The following ARHGEF3 variants were observed in gnomAD, a reference collection of about 807,000 sequenced individuals.
ARHGEF3 encodes 59.8 kDA protein.
ARHGEF3 carries 28 observed loss-of-function variants against 63.2 expected under a neutral mutation model. That is an observed-to-expected ratio of 0.44 (90% CI 0.33 to 0.61). ARHGEF3 has a LOEUF of 0.61. Ranked by LOEUF, ARHGEF3 falls within the 20% of genes least tolerant of loss-of-function variation. ARHGEF3 has a pLI of 0.03. For missense variants in ARHGEF3, 533 were observed against 659.3 expected (o/e 0.81, Z 2.10); for synonymous variants, 266 against 254.2 (o/e 1.05, Z -0.44).
At chr3:57,002,515 T>TTATATA (rs1457658603) in intron 2 of ARHGEF3, among the ~76,000 whole-genome samples, 10 of 60,406 alleles carry the variant, frequency 1.7e-4, no homozygotes, top group South Asian at 1.1e-3. Context: ...TATATATATG[T>TTATATA]TATATATGTA....
intron 1 of ARHGEF3, among the ~76,000 whole-genome samples, chr3:56,774,533 A>C (rs566057991): frequency 1.2e-4 from 19 of 152,352 alleles, no homozygotes; most frequent in Non-Finnish European, 2.8e-4. Context: ...TCTGCAAGTT[A>C]CTTCAAACCA....
intron 4 of ARHGEF3, among the ~76,000 whole-genome samples, chr3:56,869,821 C>T (rs1453927578): frequency 6.6e-6 from 1 of 151,926 alleles, no homozygotes; most frequent in Non-Finnish European, 1.5e-5. Flanking sequence ...GAAAAAAAAT[C>T]AGAAACAAAA....
intron 1 of ARHGEF3, among the ~76,000 whole-genome samples, chr3:56,795,635 T>C (rs12632941): frequency 0.74 from 110,862 of 149,112 alleles, 42,347 homozygotes; most frequent in Non-Finnish European, 0.83. Context: ...CCTGATTAAC[T>C]TGTGACACAG....
intron 3 of ARHGEF3, among the ~76,000 whole-genome samples, chr3:56,957,186 C>T (rs934674396): frequency 2.0e-5 from 3 of 152,190 alleles, no homozygotes; most frequent in Non-Finnish European, 4.4e-5. Flanking sequence ...AAGACATGCA[C>T]ATCTATTTCA....
chr3:56,805,147 T>C (rs1464601675), upstream of ARHGEF3, among the ~76,000 whole-genome samples: 1 of 152,230 alleles, frequency 6.6e-6, no homozygotes, highest in Non-Finnish European at 1.5e-5. Context: ...GCCCTGGGAC[T>C]GGGTTGCTCA....
chr3:56,939,656 C>G (rs1049665543), intron 3 of ARHGEF3: 3 of 152,022 alleles, frequency 2.0e-5, no homozygotes, highest in African/African-American at 7.3e-5. Flanking sequence ...ACAGGCTGTT[C>G]TTGCTCCCAG....
At chr3:56,949,787 G>A (rs1486288153) in intron 3 of ARHGEF3, among the ~76,000 whole-genome samples, 1 of 151,956 alleles carries the variant, frequency 6.6e-6, no homozygotes, top group Non-Finnish European at 1.5e-5. Context: ...CTACTTTAAA[G>A]TTCATATGGA....
intron 2 of ARHGEF3, among the ~76,000 whole-genome samples, chr3:56,972,680 A>G (rs1700965361): frequency 6.6e-6 from 1 of 152,046 alleles, no homozygotes; most frequent in Non-Finnish European, 1.5e-5. Flanking sequence ...AGCAAAACCA[A>G]TATGGCTGGA....
chr3:56,754,970 C>A lies in ARHGEF3; in HGVS notation c.375+11G>T, dbSNP rs551074737. 8.1e-6 allele frequency: 13 copies of A among 1,614,120 alleles called. No individual in the cohort carries two copies. The South Asian group carries it at 1.4e-4, about 18-fold the overall frequency. ...CAGACACACAGCCAGCTCCATGGGC[C>A]CCGAGCCTACCTCCTGACGTTTGAT... On this transcript the variant is annotated intron_variant, in intron 3 of 9. Transcript: ENST00000296315.
intron 6 of ARHGEF3, among the ~76,000 whole-genome samples, chr3:56,747,698 C>T (rs1480919681): frequency 6.6e-6 from 1 of 152,152 alleles, no homozygotes; most frequent in African/African-American, 2.4e-5. Flanking sequence ...GTGGTGCATG[C>T]CTGTAATCCC....
chr3:56,919,779 TA>T (rs1368607141), intron 3 of ARHGEF3, among the ~76,000 whole-genome samples: 5 of 152,200 alleles, frequency 3.3e-5, no homozygotes, highest in Non-Finnish European at 7.3e-5. Context: ...AAGTAGGCCT[TA>T]TTATTATCTT....
At chr3:57,005,861 A>G (rs1219495359) in intron 2 of ARHGEF3, among the ~76,000 whole-genome samples, 1 of 152,258 alleles carries the variant, frequency 6.6e-6, no homozygotes, top group Non-Finnish European at 1.5e-5. Flanking sequence ...AATACCCCTC[A>G]GATTTGCCAA....
chr3:56,962,953 T>C (rs1051704410), intron 2 of ARHGEF3, among the ~76,000 whole-genome samples: 6 of 152,202 alleles, frequency 3.9e-5, no homozygotes, highest in Admixed American at 1.3e-4. Flanking sequence ...CGACCACTTA[T>C]ACAACAGCTT....
chr3:56,765,482 A>G (rs2035652899), intron 2 of ARHGEF3, among the ~76,000 whole-genome samples: 1 of 152,162 alleles, frequency 6.6e-6, no homozygotes, highest in African/African-American at 2.4e-5. Context: ...TTAGTTATAG[A>G]AAATTTATGA....
intron 7 of ARHGEF3, among the ~76,000 whole-genome samples, chr3:56,742,818 C>G (rs150262608): frequency 6.6e-6 from 1 of 152,226 alleles, no homozygotes; most frequent in Non-Finnish European, 1.5e-5. Flanking sequence ...CAGCTTCATA[C>G]TTTATGCACT....
At chr3:56,806,274 C>T (rs139040505), upstream of ARHGEF3, among the ~76,000 whole-genome samples, 6 of 152,306 alleles carry the variant, frequency 3.9e-5, no homozygotes, top group Non-Finnish European at 8.8e-5. Context: ...GCAGGAGGGC[C>T]TCCAAGCATA....
intron 4 of ARHGEF3, among the ~76,000 whole-genome samples, chr3:56,847,296 T>C (rs550334944): frequency 9.8e-5 from 15 of 152,292 alleles, no homozygotes; most frequent in East Asian, 3.9e-4. Context: ...TTCAACCAAA[T>C]TGAGGCATAA....
chr3:57,026,751 G>A (rs1703492363), intron 2 of ARHGEF3, among the ~76,000 whole-genome samples: 1 of 152,200 alleles, frequency 6.6e-6, no homozygotes, highest in African/African-American at 2.4e-5. Context: ...CCACCTGAGT[G>A]CTGTGCCCAT....
chr3:56,964,464 A>G (rs1045292924), intron 2 of ARHGEF3, among the ~76,000 whole-genome samples: 22 of 152,128 alleles, frequency 1.4e-4, no homozygotes, highest in Admixed American at 1.4e-3. Flanking sequence ...GGCCCCTTAA[A>G]GAGAGCCCTC....
Sources: allele counts gnomAD v4.1 joint callset (sites outside exome capture counted in the v4.1 genomes callset), GRCh38; gene constraint gnomAD v4.1.1; transcripts MANE v1.5; gene names NCBI Gene and HGNC (gene_info 2026-07-23, HGNC 2026-07-21).